The following SETBP1 variants were observed in gnomAD, a reference collection of about 807,000 sequenced individuals.
SETBP1 encodes SET-binding protein.
SETBP1 carries 9 observed loss-of-function variants against 101.0 expected under a neutral mutation model. The observed-to-expected ratio is 0.09, with a 90% CI of 0.05 to 0.16. SETBP1 has a LOEUF of 0.16. SETBP1 is among the 10% of genes least tolerant of loss of function. The probability of loss-of-function intolerance (pLI) is 1.00; values close to 1 mark genes in which losing one functional copy is unlikely to be tolerated. For missense variants in SETBP1, 1,858 were observed against 2,033.8 expected, an observed-to-expected ratio of 0.91 and a Z score of 1.66; for synonymous variants, 818 against 788.5, an observed-to-expected ratio of 1.04 and a Z score of -0.63.
chr18:44,924,009 C>A (rs970151031), intron 3 of SETBP1, among the ~76,000 whole-genome samples: 14 of 152,022 alleles, frequency 9.2e-5, no homozygotes, highest in Admixed American at 9.2e-4. Context: ...CACTCCAGTC[C>A]GTTTTTTTTT....
At chr18:44,756,670 C>T (rs971560930) in intron 2 of SETBP1, among the ~76,000 whole-genome samples, 1 of 152,190 alleles carries the variant, frequency 6.6e-6, no homozygotes, top group African/African-American at 2.4e-5. Flanking sequence ...CCTTCTCTTC[C>T]CTCCCCTCCT....
At chr18:45,035,753 G>A (rs1009751934) in intron 4 of SETBP1, among the ~76,000 whole-genome samples, 57 of 152,196 alleles carry the variant, frequency 3.7e-4, no homozygotes, top group African/African-American at 1.3e-3. Context: ...TTATGCAAAA[G>A]AAATCTGACC....
chr18:44,911,941 C>CCACACA (rs5824564), intron 3 of SETBP1, among the ~76,000 whole-genome samples: 4 of 150,038 alleles, frequency 2.7e-5, no homozygotes, highest in African/African-American at 9.8e-5. Context: ...ATACACACAC[C>CCACACA]CACACACACA....
At chr18:44,844,353 G>A (rs891969540) in intron 2 of SETBP1, among the ~76,000 whole-genome samples, 46 of 138,302 alleles carry the variant, frequency 3.3e-4, no homozygotes, top group African/African-American at 6.7e-4. Flanking sequence ...ACACACGCGC[G>A]CACACACACA....
intron 1 of SETBP1, among the ~76,000 whole-genome samples, chr18:44,692,673 G>A (rs1194511536): frequency 6.6e-6 from 1 of 152,218 alleles, no homozygotes; most frequent in African/African-American, 2.4e-5. Context: ...CCGTGCGTGT[G>A]TGTGTCTGTG....
rs663651 is a variant in SETBP1, at chr18:44,876,688, G to A, written c.540+7405G>A. The stretch of plus-strand genomic sequence containing the variant: ...CTCATGCCCCCGGAACCCATTCCCC[G>A]CAAAACCCGGTTCTCTCACTCTTCC... On this transcript the variant is annotated intron_variant, in intron 3 of 5. Transcript: ENST00000649279. The A allele has an allele frequency of 0.55, 845,767 of 1,548,362 alleles. 232,749 individuals carry two copies. The highest frequency in any genetic ancestry group is 0.56 in the Non-Finnish European group (639,436 of 1,144,642).
At chr18:44,789,406 G>C (rs928499324) in intron 2 of SETBP1, among the ~76,000 whole-genome samples, 2 of 152,118 alleles carry the variant, frequency 1.3e-5, no homozygotes, top group African/African-American at 4.8e-5. Flanking sequence ...ACGTTTCCTT[G>C]CTCTGTGTTT....
rs540172089 is a variant in SETBP1, at chr18:45,044,812, A to G, written c.4171+6157A>G. ...GACAGCATGGTGGTAAAGCCAGCCCAAAGGAGAATTAGACAACGGGGCATT... is the reference window on the plus strand; with the variant it reads ...GACAGCATGGTGGTAAAGCCAGCCCGAAGGAGAATTAGACAACGGGGCATT... On this transcript the variant is annotated intron_variant, in intron 5 of 5. Transcript: ENST00000649279. 2.0e-5 allele frequency among the ~76,000 whole-genome samples: 3 copies of G among 152,350 alleles called. No individual in the cohort carries two copies. In the South Asian group the frequency reaches 6.2e-4, roughly 32 times the overall value.
intron 4 of SETBP1, among the ~76,000 whole-genome samples, chr18:44,989,923 A>G (rs1287219112): frequency 6.8e-6 from 1 of 146,542 alleles, no homozygotes; most frequent in Non-Finnish European, 1.5e-5. Context: ...CTAAGTGGAC[A>G]CACTGTAATC....
At chr18:44,900,869 A>C (rs1401102788) in intron 3 of SETBP1, among the ~76,000 whole-genome samples, 1 of 152,180 alleles carries the variant, frequency 6.6e-6, no homozygotes. Context: ...TAATTGCCCA[A>C]GGGCACTTGG....
At chr18:44,863,582 C>T (rs576982200) in intron 2 of SETBP1, among the ~76,000 whole-genome samples, 79 of 151,780 alleles carry the variant, frequency 5.2e-4, no homozygotes, top group African/African-American at 1.7e-3. Flanking sequence ...TAACACTTTA[C>T]GAAATAAAGA....
At chr18:44,839,053 G>T (rs2072557419) in intron 2 of SETBP1, among the ~76,000 whole-genome samples, 1 of 148,994 alleles carries the variant, frequency 6.7e-6, no homozygotes, top group Non-Finnish European at 1.5e-5. Context: ...TCTCAGCAAT[G>T]AATGATTCTC....
At chr18:44,699,995 G>A (rs1230803711) in intron 1 of SETBP1, among the ~76,000 whole-genome samples, 1 of 152,176 alleles carries the variant, frequency 6.6e-6, no homozygotes. Context: ...AAGATGTACA[G>A]TCATGTCTTC....
At chr18:44,774,460 A>G (rs2070948585) in intron 2 of SETBP1, among the ~76,000 whole-genome samples, 1 of 152,072 alleles carries the variant, frequency 6.6e-6, no homozygotes, top group Non-Finnish European at 1.5e-5. Flanking sequence ...AAATGCAAAG[A>G]CATGCTGATG....
At chr18:44,932,038 T>C (rs1356133384) in intron 3 of SETBP1, among the ~76,000 whole-genome samples, 1 of 152,246 alleles carries the variant, frequency 6.6e-6, no homozygotes, top group African/African-American at 2.4e-5. Context: ...CTAGCATTGA[T>C]GGTCTTTACA....
intron 2 of SETBP1, among the ~76,000 whole-genome samples, chr18:44,791,339 A>G (rs1214957811): frequency 6.6e-6 from 1 of 152,218 alleles, no homozygotes; most frequent in African/African-American, 2.4e-5. Context: ...TCCTAGTGGT[A>G]GAGAAAGAAG....
chr18:44,800,831 G>A (rs576448745), intron 2 of SETBP1, among the ~76,000 whole-genome samples: 13 of 152,190 alleles, frequency 8.5e-5, no homozygotes, highest in African/African-American at 2.9e-4. Flanking sequence ...ACATGCACAC[G>A]TATGTTTATT....
chr18:44,697,293 G>A (rs187553165), intron 1 of SETBP1: 49 of 152,398 alleles, frequency 3.2e-4, no homozygotes, highest in African/African-American at 1.2e-3. Context: ...TGCTGGGAAG[G>A]AAGCTAAAGG....
intron 3 of SETBP1, among the ~76,000 whole-genome samples, chr18:44,874,639 G>A (rs1364088060): frequency 1.3e-5 from 2 of 152,170 alleles, no homozygotes; most frequent in Admixed American, 6.5e-5. Context: ...CAAAGTGAGG[G>A]CCCACGAGAA....
Sources: gnomAD v4.1 joint callset for allele counts (sites outside exome capture counted in the v4.1 genomes callset) on GRCh38, gnomAD v4.1.1 for gene constraint, MANE v1.5 for transcripts, NCBI Gene and HGNC (gene_info 2026-07-23, HGNC 2026-07-21) for gene names.